Variants in TSHR observed in about 807,000 individuals in gnomAD.
TSHR encodes thyrotropin receptor.
A neutral mutation model predicts 64.1 loss-of-function variants in TSHR; 51 were observed. The observed-to-expected ratio is 0.80, with a 90% CI of 0.64 to 1.01. The LOEUF (loss-of-function observed/expected upper bound fraction) is 1.01, where lower values mean the gene tolerates loss of function less well. TSHR is among the 50% of genes least tolerant of loss of function. TSHR has a pLI of 0.00. For synonymous variants in TSHR, 361 were observed against 361.9 expected, an observed-to-expected ratio of 1.00 and a Z score of 0.03; for missense variants, 877 against 942.8, an observed-to-expected ratio of 0.93 and a Z score of 0.91.
chr14:81,096,733 T>A (rs936159317), intron 7 of TSHR, 26 bp downstream of exon 7: 1 of 1,611,074 alleles, frequency 6.2e-7, no homozygotes, highest in Non-Finnish European at 8.5e-7. Flanking sequence ...CCATGAAAAC[T>A]GTCACTTTCC....
Position 81,076,841 on chromosome 14 carries a change from T to C in TSHR, c.317+8513T>C, listed in dbSNP as rs544161283. Among the ~76,000 whole-genome samples, 3 of 152,326 alleles carry C rather than the reference T, an allele frequency of 2.0e-5. No individual in the cohort carries two copies. The East Asian group carries it at 5.8e-4, about 29-fold the overall frequency. ...TTCACAGCAGCCAGAATGATTTTTCTTGAATAAAATCCAAGTATCTTAACA... is the reference window on the plus strand; with the variant it reads ...TTCACAGCAGCCAGAATGATTTTTCCTGAATAAAATCCAAGTATCTTAACA... On this transcript the variant is annotated intron_variant, in intron 3 of 9. Coordinates refer to ENST00000298171, the MANE Select transcript of TSHR (RefSeq NM_000369.5).
At chr14:81,072,988 C>A (rs796294905) in intron 3 of TSHR, among the ~76,000 whole-genome samples, 1,034 of 56,296 alleles carry the variant, frequency 0.018, 42 homozygotes, top group African/African-American at 0.13. Context: ...CAGAGCGAGA[C>A]TCCGTCTCAA....
chr14:81,057,754 G>C (rs146784470), intron 1 of TSHR, among the ~76,000 whole-genome samples: 15 of 152,258 alleles, frequency 9.9e-5, no homozygotes, highest in African/African-American at 2.9e-4. Flanking sequence ...TGTTTGCCAG[G>C]AGGCAAATAG....
intron 1 of TSHR, chr14:81,033,198 C>A: frequency 2.2e-6 from 1 of 451,534 alleles, no homozygotes; most frequent in South Asian, 1.9e-5. Flanking sequence ...CTAATGATAT[C>A]TCATCCACAA....
At chr14:81,102,267 A>G (rs969380167) in intron 7 of TSHR, among the ~76,000 whole-genome samples, 6 of 152,096 alleles carry the variant, frequency 3.9e-5, no homozygotes, top group Non-Finnish European at 7.4e-5. Flanking sequence ...CGTTCACACC[A>G]GCTTTCTCCT....
At position 81,139,742 on chromosome 14, in the gene TSHR, G is replaced by C. The variant is rs1891604075; in HGVS notation, c.756G>C (p.Leu252=). ...PSKGLEHLKE[L]IARNTWTLKK... is the part of the protein sequence containing the mutation. ...AAGGCCTGGAGCACCTGAAGGAACT[G>C]ATAGCAAGAAACACCTGGACTCTTA... Residue 252 remains leucine (L), a synonymous_variant, in exon 9 of 10, where the codon CTG becomes CTC. Coordinates refer to ENST00000298171, the MANE Select transcript of TSHR (RefSeq NM_000369.5). 1 of 1,614,204 alleles carries C rather than the reference G, an allele frequency of 6.2e-7. No homozygotes were observed. The highest frequency in any genetic ancestry group is 8.5e-7 in the Non-Finnish European group (1 of 1,180,038).
chr14:81,106,480 C>T (rs572081318), intron 7 of TSHR, among the ~76,000 whole-genome samples: 1 of 152,198 alleles, frequency 6.6e-6, no homozygotes, highest in South Asian at 2.1e-4. Flanking sequence ...GAACTTGGCA[C>T]TGGGTAGACA....
Position 81,134,238 on chromosome 14 carries a change from C to T in TSHR, c.693-5441C>T, listed in dbSNP as rs558864259. Among the ~76,000 whole-genome samples, 25 of 152,154 alleles carry T rather than the reference C, an allele frequency of 1.6e-4. No homozygotes were observed. The South Asian group carries it at 3.3e-3, about 20-fold the overall frequency. On this transcript the variant is annotated intron_variant, in intron 8 of 9. Coordinates refer to ENST00000298171, the MANE Select transcript of TSHR (RefSeq NM_000369.5). The stretch of plus-strand genomic sequence containing the variant: ...ACGACCTCCACTTCCCGGGTTCAAG[C>T]GATTTTCTCCTGCCTCAGCCTCCCG...
intron 1 of TSHR, among the ~76,000 whole-genome samples, chr14:81,037,202 A>G (rs906393051): frequency 9.2e-5 from 14 of 152,128 alleles, no homozygotes; most frequent in Admixed American, 6.6e-4. Context: ...TAAGTCTAGA[A>G]TACTTGCATG....
At chr14:81,016,677 T>C (rs1883430118) in intron 1 of TSHR, among the ~76,000 whole-genome samples, 1 of 152,164 alleles carries the variant, frequency 6.6e-6, no homozygotes, top group South Asian at 2.1e-4. Context: ...GGGTCATATC[T>C]AAAATATCAT....
At chr14:81,080,232 G>A (rs1887804298) in intron 3 of TSHR, among the ~76,000 whole-genome samples, 1 of 152,180 alleles carries the variant, frequency 6.6e-6, no homozygotes, top group Non-Finnish European at 1.5e-5. Flanking sequence ...GATTACAGGT[G>A]TGAGCCACCG....
At chr14:81,091,210 C>A (rs1327469950) in intron 5 of TSHR, 67 bp downstream of exon 5, 2 of 1,375,554 alleles carry the variant, frequency 1.5e-6, no homozygotes, top group African/African-American at 1.4e-5. Flanking sequence ...AGAATACAGT[C>A]ATGAGGGTAG....
At chr14:81,023,203 G>C (rs191871069) in intron 1 of TSHR, among the ~76,000 whole-genome samples, 78 of 152,244 alleles carry the variant, frequency 5.1e-4, no homozygotes, top group African/African-American at 1.7e-3. Context: ...AACTCTTCCT[G>C]CCTGACTGCT....
chr14:81,139,695 A>AC lies in TSHR; in HGVS notation c.709_710insC (p.Ser237ThrfsTer25). 1 of 1,614,160 alleles carries AC rather than the reference A, an allele frequency of 6.2e-7. No homozygotes were observed. The highest frequency in any genetic ancestry group is 8.5e-7 in the Non-Finnish European group (1 of 1,180,026). ...GCCTCCCAGGGACGTGTCTCAAACC[A>AC]GTGTCACTGCCCTTCCATCCAAAGG... On this transcript the variant is annotated frameshift_variant, in exon 9 of 10. Coordinates refer to ENST00000298171, the MANE Select transcript of TSHR (RefSeq NM_000369.5). LOFTEE classifies it high-confidence loss of function.
chr14:80,986,369 G>T lies in TSHR; in HGVS notation c.170+30519G>T, dbSNP rs150016212. Among the ~76,000 whole-genome samples, 434 of 152,284 alleles carry T rather than the reference G, an allele frequency of 2.8e-3. 2 individuals are homozygous for T. The highest frequency in any genetic ancestry group is 0.01 in the Middle Eastern group (3 of 294). ...CACTATTAACTTTACAATAAAATTA[G>T]ACATCAGTTTCTCCAGGAGGCTTTC... On this transcript the variant is annotated intron_variant, in intron 1 of 9. Transcript: ENST00000298171.
intron 3 of TSHR, among the ~76,000 whole-genome samples, chr14:81,073,049 TAA>T (rs1335814484): frequency 6.3e-5 from 7 of 110,440 alleles, no homozygotes; most frequent in South Asian, 3.0e-4. Flanking sequence ...TATATATATA[TAA>T]AATGCACACA....
intron 8 of TSHR, 165 bp downstream of exon 8, chr14:81,108,617 C>T (rs775543593): frequency 6.2e-7 from 1 of 1,613,908 alleles, no homozygotes; most frequent in Non-Finnish European, 8.5e-7. Flanking sequence ...TATAGGCTAC[C>T]TCTTGGAAGA....
intron 1 of TSHR, among the ~76,000 whole-genome samples, chr14:80,967,577 G>A (rs896502755): frequency 5.9e-5 from 9 of 151,998 alleles, no homozygotes; most frequent in Non-Finnish European, 8.8e-5. Context: ...AAGCCACCCC[G>A]CCCGGCCCTG....
intron 8 of TSHR, among the ~76,000 whole-genome samples, chr14:81,109,795 C>T (rs2080306): frequency 0.64 from 97,141 of 152,084 alleles, 31,394 homozygotes; most frequent in South Asian, 0.73. Flanking sequence ...TCTGCTGTGC[C>T]ACGTGGGGGT....
Sources: gnomAD v4.1 joint callset for allele counts (sites outside exome capture counted in the v4.1 genomes callset) on GRCh38, gnomAD v4.1.1 for gene constraint, MANE v1.5 for transcripts, NCBI Gene and HGNC (gene_info 2026-07-23, HGNC 2026-07-21) for gene names.